The following UROC1 variants were observed in gnomAD, a reference collection of about 807,000 sequenced individuals.
UROC1 encodes urocanate hydratase 1, also known as urocanate hydratase.
In UROC1, 79 loss-of-function variants were observed where a neutral mutation model predicts 89.5. That is an observed-to-expected ratio of 0.88 (90% CI 0.74 to 1.06). The LOEUF (loss-of-function observed/expected upper bound fraction) is 1.06, where lower values mean the gene tolerates loss of function less well. Ranked by LOEUF, UROC1 falls within the 50% of genes least tolerant of loss-of-function variation. The probability of loss-of-function intolerance (pLI) is 0.00; values close to 1 mark genes in which losing one functional copy is unlikely to be tolerated. For missense variants in UROC1, 885 were observed against 907.8 expected, an observed-to-expected ratio of 0.97 and a Z score of 0.32; for synonymous variants, 361 against 354.8, an observed-to-expected ratio of 1.02 and a Z score of -0.20.
chr3:126,483,076 C>T (rs1049028883), intron 19 of UROC1, among the ~76,000 whole-genome samples: 6 of 152,208 alleles, frequency 3.9e-5, no homozygotes, highest in Non-Finnish European at 1.5e-5. Flanking sequence ...TCTCTGTCCT[C>T]ATGCTCACGC....
At chr3:126,497,614 G>C (rs904221434) in intron 14 of UROC1, among the ~76,000 whole-genome samples, 2 of 152,240 alleles carry the variant, frequency 1.3e-5, no homozygotes, top group Admixed American at 1.3e-4. Flanking sequence ...GCCACGTGGA[G>C]GGGGAGGCTG....
chr3:126,517,008 G>A (rs1234397390), intron 1 of UROC1, among the ~76,000 whole-genome samples: 1 of 151,998 alleles, frequency 6.6e-6, no homozygotes, highest in African/African-American at 2.4e-5. Flanking sequence ...ACCCCCTGGT[G>A]TCACCATTTT....
rs770736357 is a variant in UROC1, at chr3:126,505,689, C to T, written c.813+12G>A. The stretch of plus-strand genomic sequence containing the variant: ...GCAGGCAGGAGCGAAGGCCAGGAGC[C>T]CCCCAGCTTACCTCTGCTATCACAC... On this transcript the variant is annotated intron_variant, in intron 8 of 19. Coordinates refer to ENST00000290868, the MANE Select transcript of UROC1 (RefSeq NM_144639.3). 4 of 1,613,374 alleles carry T rather than the reference C, an allele frequency of 2.5e-6. No homozygotes were observed. Among genetic ancestry groups the T allele is most frequent in the Non-Finnish European group, 2.5e-6 (3 of 1,179,924 alleles).
intron 18 of UROC1, among the ~76,000 whole-genome samples, chr3:126,487,373 C>T (rs1216739609): frequency 6.6e-6 from 1 of 152,248 alleles, no homozygotes; most frequent in Non-Finnish European, 1.5e-5. Flanking sequence ...TTCTATAGCC[C>T]CTGTGTTGGA....
rs1222293977 is a variant in UROC1 at position 126,500,989 on chromosome 3, G to A, written c.966-115C>T. The A allele has an allele frequency of 6.9e-6, 10 of 1,442,470 alleles. No individual in the cohort carries two copies. The East Asian group carries it at 1.9e-4, about 27-fold the overall frequency. The allele number at this position is 1,442,470 out of a possible 1,614,324, so 89.4% of individuals were successfully genotyped here. ...CCCACCCACAAATCCAGCAGGCACA[G>A]CCCGAGCCAGACCCTGCTTTCCCCC... On this transcript the variant is annotated intron_variant, in intron 10 of 19. Coordinates refer to ENST00000290868, the MANE Select transcript of UROC1 (RefSeq NM_144639.3).
At chr3:126,483,557 T>G (rs912912504) in intron 18 of UROC1, 89 bp from the exon 19 acceptor site, 1 of 1,284,520 alleles carries the variant, frequency 7.8e-7, no homozygotes, top group Non-Finnish European at 1.1e-6. Flanking sequence ...AGCATTGGCT[T>G]GAGACGGCGT....
intron 3 of UROC1, among the ~76,000 whole-genome samples, chr3:126,509,241 A>G (rs1166984855): frequency 6.6e-6 from 1 of 150,420 alleles, no homozygotes; most frequent in Non-Finnish European, 1.5e-5. Context: ...GTCTCTCTAA[A>G]AAAAAAAAAA....
At chr3:126,504,386 C>T (rs1017985629) in intron 8 of UROC1, among the ~76,000 whole-genome samples, 10 of 152,140 alleles carry the variant, frequency 6.6e-5, no homozygotes, top group African/African-American at 1.9e-4. Context: ...ATAAGAACAT[C>T]GATTTCAACT....
chr3:126,507,763 A>G lies in UROC1; in HGVS notation c.581T>C (p.Leu194Pro), dbSNP rs780302396. ...NYSSRTEYEK[L>P]FALGVTMYGQ... Reference sequence around the variant, plus strand: ...TTACATTGTAACCCCCAAGGCAAAGAGCTTCTCATACTCCGTCCGGGAGGA... The same window carrying G: ...TTACATTGTAACCCCCAAGGCAAAGGGCTTCTCATACTCCGTCCGGGAGGA... The change falls in exon 6 of 20, where the codon CTC (leucine) becomes CCC (proline). Residue 194 changes from leucine to proline, a missense_variant. Physicochemically the swap from Leu to Pro is moderately conservative, Grantham distance 98. Transcript: ENST00000290868. The G allele has an allele frequency of 1.2e-6, 2 of 1,614,196 alleles. No homozygotes were observed. Among genetic ancestry groups the G allele is most frequent in the Admixed American group, 1.7e-5 (1 of 60,030 alleles).
At chr3:126,486,657 G>A (rs1253896336) in intron 18 of UROC1, among the ~76,000 whole-genome samples, 1 of 152,230 alleles carries the variant, frequency 6.6e-6, no homozygotes, top group Non-Finnish European at 1.5e-5. Flanking sequence ...GGGAAGTTCG[G>A]TCCAGGAATG....
intron 19 of UROC1, 44 bp from the exon 20 acceptor site, chr3:126,482,529 GCTCCCCACGTGAGTCTTGGCTCCCACA>G (rs761767166): frequency 7.1e-5 from 115 of 1,613,184 alleles, no homozygotes; most frequent in Non-Finnish European, 9.3e-5. Context: ...ACATAACCGG[GCTCCCCACGTGAGTCTTGGCTCCCACA>G]CTTGGGGCCT....
chr3:126,498,607 G>A (rs1935837950), intron 13 of UROC1, among the ~76,000 whole-genome samples: 3 of 152,032 alleles, frequency 2.0e-5, no homozygotes, highest in Non-Finnish European at 4.4e-5. Flanking sequence ...CGTGGCCTGG[G>A]CCCTCCCTGG....
intron 10 of UROC1, 80 bp downstream of exon 10, chr3:126,501,138 C>T: frequency 1.4e-6 from 2 of 1,452,048 alleles, no homozygotes; most frequent in East Asian, 4.5e-5. Context: ...CCTGGCAGCT[C>T]CTGGTCAGCA....
intron 9 of UROC1, chr3:126,501,965 C>CAG (rs368528973): frequency 6.3e-7 from 1 of 1,577,784 alleles, no homozygotes. Context: ...GAACCGTGAG[C>CAG]AGAGCTCACT....
At chr3:126,482,993 A>C (rs1560113462) in intron 19 of UROC1, among the ~76,000 whole-genome samples, 2 of 152,112 alleles carry the variant, frequency 1.3e-5, no homozygotes. Flanking sequence ...TCTGGGATGA[A>C]GACCTCCATC....
intron 1 of UROC1, among the ~76,000 whole-genome samples, chr3:126,513,929 A>G (rs1393805746): frequency 6.6e-6 from 1 of 152,006 alleles, no homozygotes; most frequent in Non-Finnish European, 1.5e-5. Flanking sequence ...TCCAAGCTCA[A>G]TACCAAGCCC....
intron 15 of UROC1, among the ~76,000 whole-genome samples, chr3:126,494,336 G>A (rs896920140): frequency 3.9e-5 from 6 of 152,038 alleles, no homozygotes; most frequent in Admixed American, 2.0e-4. Context: ...CACCTCCCAC[G>A]GCCCCTTCTC....
chr3:126,501,343 C>G (rs762193682), intron 9 of UROC1, 63 bp from the exon 10 acceptor site: 2 of 1,590,838 alleles, frequency 1.3e-6, no homozygotes, highest in South Asian at 2.2e-5. Context: ...CCCAGACACA[C>G]CTGCACCCCA....
At chr3:126,499,980 G>A (rs1935876862) in intron 12 of UROC1, 77 bp downstream of exon 12, 1 of 1,395,008 alleles carries the variant, frequency 7.2e-7, no homozygotes, top group African/African-American at 1.4e-5. Context: ...AGTGAGGTGG[G>A]AGCCAGTGGC....
Sources: gnomAD v4.1 joint callset for allele counts (sites outside exome capture counted in the v4.1 genomes callset) on GRCh38, gnomAD v4.1.1 for gene constraint, MANE v1.5 for transcripts, NCBI Gene and HGNC (gene_info 2026-07-23, HGNC 2026-07-21) for gene names.